KIAA1328: variants seen among roughly 807,000 people sequenced by gnomAD.
KIAA1328 encodes KIAA1328.
In KIAA1328, 52 loss-of-function variants were observed where a neutral mutation model predicts 68.1. The observed-to-expected ratio is 0.76, with a 90% CI of 0.61 to 0.96. KIAA1328 has a LOEUF of 0.96. KIAA1328 is among the 40% of genes least tolerant of loss of function. KIAA1328 has a pLI of 0.00. For missense variants in KIAA1328, 641 were observed against 677.6 expected (o/e 0.95, Z 0.60); for synonymous variants, 232 against 239.4 (o/e 0.97, Z 0.28).
intron 6 of KIAA1328, among the ~76,000 whole-genome samples, chr18:36,971,219 G>C (rs1037772112): frequency 6.6e-6 from 1 of 152,108 alleles, no homozygotes; most frequent in African/African-American, 2.4e-5. Flanking sequence ...TTAAATAAAT[G>C]GTGTTTGGAA....
intron 7 of KIAA1328, among the ~76,000 whole-genome samples, chr18:37,139,579 A>G (rs907483665): frequency 6.6e-6 from 1 of 152,180 alleles, no homozygotes; most frequent in Non-Finnish European, 1.5e-5. Context: ...TAGATCTGTA[A>G]TATTTCATTT....
intron 5 of KIAA1328, among the ~76,000 whole-genome samples, chr18:36,899,232 G>A (rs1386611207): frequency 6.6e-6 from 1 of 151,812 alleles, no homozygotes; most frequent in Non-Finnish European, 1.5e-5. Flanking sequence ...AATGGACACT[G>A]ATTATTTATA....
At chr18:37,150,198 A>G (rs888694435) in intron 7 of KIAA1328, among the ~76,000 whole-genome samples, 4 of 152,160 alleles carry the variant, frequency 2.6e-5, no homozygotes, top group African/African-American at 9.6e-5. Flanking sequence ...AATAATATCA[A>G]TCTTACACAA....
At chr18:36,876,763 A>G (rs2048142066) in intron 4 of KIAA1328, among the ~76,000 whole-genome samples, 1 of 151,930 alleles carries the variant, frequency 6.6e-6, no homozygotes. Context: ...TTTAATTGTG[A>G]TGTTAAGATG....
At chr18:36,958,149 G>A (rs1020262493) in intron 5 of KIAA1328, among the ~76,000 whole-genome samples, 2 of 151,970 alleles carry the variant, frequency 1.3e-5, no homozygotes, top group African/African-American at 4.8e-5. Flanking sequence ...ATTGCTTTTG[G>A]TGGCTGAATA....
intron 2 of KIAA1328, 61 bp downstream of exon 2, chr18:36,834,416 A>G: frequency 1.4e-6 from 2 of 1,393,272 alleles, no homozygotes; most frequent in African/African-American, 2.9e-5. Flanking sequence ...TTAGAAGAAA[A>G]TAAAGCTATT....
chr18:37,177,445 A>G (rs967705976), intron 9 of KIAA1328, among the ~76,000 whole-genome samples: 29 of 152,156 alleles, frequency 1.9e-4, no homozygotes, highest in Admixed American at 7.2e-4. Flanking sequence ...CTGTTCTTCT[A>G]TGACTTCTAC....
intron 5 of KIAA1328, among the ~76,000 whole-genome samples, chr18:36,899,432 G>T (rs537038704): frequency 6.6e-6 from 1 of 151,950 alleles, no homozygotes; most frequent in East Asian, 1.9e-4. Context: ...TGACTCAAGA[G>T]AAAACTTGCC....
intron 9 of KIAA1328, among the ~76,000 whole-genome samples, chr18:37,195,600 T>C (rs2059989028): frequency 6.6e-6 from 1 of 152,152 alleles, no homozygotes; most frequent in South Asian, 2.1e-4. Context: ...CTAAAATGAG[T>C]GGCTGTAAGT....
At chr18:37,044,651 T>A (rs556450284) in intron 6 of KIAA1328, among the ~76,000 whole-genome samples, 5 of 151,688 alleles carry the variant, frequency 3.3e-5, no homozygotes, top group Non-Finnish European at 7.4e-5. Flanking sequence ...CAAAAAAAAA[T>A]TAGCTGGGCA....
At chr18:37,022,808 T>C (rs2151536594) in intron 6 of KIAA1328, among the ~76,000 whole-genome samples, 1 of 152,294 alleles carries the variant, frequency 6.6e-6, no homozygotes, top group Non-Finnish European at 1.5e-5. Context: ...TAAGAAATTG[T>C]TGTATGGACA....
intron 6 of KIAA1328, among the ~76,000 whole-genome samples, chr18:37,033,179 T>TTA (rs1388183157): frequency 6.6e-6 from 1 of 152,224 alleles, no homozygotes; most frequent in African/African-American, 2.4e-5. Context: ...TTCCTTTAAA[T>TTA]TCTTAATTAT....
At chr18:37,138,831 T>C (rs1477353008) in intron 7 of KIAA1328, among the ~76,000 whole-genome samples, 1 of 152,028 alleles carries the variant, frequency 6.6e-6, no homozygotes, top group African/African-American at 2.4e-5. Context: ...CGACACATAG[T>C]AGGCTGTCAG....
At chr18:37,024,639 G>A (rs2054493048) in intron 6 of KIAA1328, among the ~76,000 whole-genome samples, 2 of 149,778 alleles carry the variant, frequency 1.3e-5, no homozygotes, top group Non-Finnish European at 2.9e-5. Context: ...TTGGTTTTCT[G>A]TCCTTGCGAT....
chr18:37,057,005 A>G (rs1599106380), intron 6 of KIAA1328, among the ~76,000 whole-genome samples: 2 of 152,138 alleles, frequency 1.3e-5, no homozygotes, highest in Admixed American at 1.3e-4. Context: ...GTTGTAATCT[A>G]TAGATTTTTT....
intron 4 of KIAA1328, among the ~76,000 whole-genome samples, chr18:36,883,148 G>A (rs2048376529): frequency 6.6e-6 from 1 of 152,090 alleles, no homozygotes; most frequent in African/African-American, 2.4e-5. Flanking sequence ...AACTGGGAGG[G>A]ATTTTGTTAC....
chr18:37,019,273 G>A lies in KIAA1328; in HGVS notation c.577-47617G>A, dbSNP rs572753990. Among the ~76,000 whole-genome samples, 4 of 151,898 alleles carry A rather than the reference G, an allele frequency of 2.6e-5. No homozygotes were observed. The South Asian group carries it at 8.3e-4, about 32-fold the overall frequency. On this transcript the variant is annotated intron_variant, in intron 6 of 9. Coordinates refer to ENST00000280020, the MANE Select transcript of KIAA1328 (RefSeq NM_020776.3). Reference sequence around the variant, plus strand: ...CTTTTGGCAGGTTTTATATTTGGCTGTGCAGTTCATCCTACGAGCCCATAG... The same window carrying A: ...CTTTTGGCAGGTTTTATATTTGGCTATGCAGTTCATCCTACGAGCCCATAG...
chr18:37,040,638 G>T (rs1055506844), intron 6 of KIAA1328, among the ~76,000 whole-genome samples: 7 of 151,330 alleles, frequency 4.6e-5, no homozygotes, highest in African/African-American at 1.7e-4. Flanking sequence ...TCTTAATTTA[G>T]AAGCTTATGT....
chr18:37,184,714 T>C (rs1415863077), intron 9 of KIAA1328, among the ~76,000 whole-genome samples: 12 of 152,220 alleles, frequency 7.9e-5, no homozygotes. Context: ...CCTTACCCTT[T>C]GTTTAGAGGT....
Sources: gnomAD v4.1 joint callset for allele counts (sites outside exome capture counted in the v4.1 genomes callset) on GRCh38, gnomAD v4.1.1 for gene constraint, MANE v1.5 for transcripts, NCBI Gene and HGNC (gene_info 2026-07-23, HGNC 2026-07-21) for gene names.